HLCS: variants seen among roughly 807,000 people sequenced by gnomAD.
HLCS encodes the protein holocarboxylase synthetase, also known as biotin--protein ligase.
Under a neutral mutation model 75.0 loss-of-function variants are expected in HLCS, and 53 were observed. The ratio of observed to expected loss-of-function variants is 0.71; its 90% CI spans 0.57 to 0.89. The LOEUF (loss-of-function observed/expected upper bound fraction) is 0.89, where lower values mean the gene tolerates loss of function less well. Ranked by LOEUF, HLCS falls within the 40% of genes least tolerant of loss-of-function variation. The pLI is 0.00. For missense variants in HLCS, 966 were observed against 1,074.0 expected (o/e 0.90, Z 1.41); for synonymous variants, 431 against 428.6 (o/e 1.01, Z -0.07).
At chr21:36,881,261 C>T (rs1487373512) in intron 6 of HLCS, among the ~76,000 whole-genome samples, 2 of 152,144 alleles carry the variant, frequency 1.3e-5, no homozygotes, top group African/African-American at 4.8e-5. Context: ...TGAGCCACCA[C>T]GCCTGGCCCG....
In HLCS at chr21:36,756,608, A is replaced by T; in HGVS notation, c.2384T>A (p.Ile795Asn). 6.2e-7 allele frequency: 1 copy of T among 1,614,182 alleles called. No homozygotes were observed. The highest frequency in any genetic ancestry group is 8.5e-7 in the Non-Finnish European group (1 of 1,180,032). ...GGGCCCTTTGTCCTGAAACTCTTTG[A>T]TCAGTTTCTCCAGCACAGTCACGAC... ...ARVVTVLEKL[I>N]KEFQDKGPNS... Residue 795 changes from isoleucine (I) to asparagine (N), a missense_variant, in exon 10 of 11, where the codon ATC becomes AAC. Physicochemically the swap from Ile to Asn is moderately radical, Grantham distance 149. Coordinates refer to ENST00000674895, the MANE Select transcript of HLCS (RefSeq NM_001352514.2).
At chr21:36,755,069 C>T (rs1012794463) in intron 10 of HLCS, among the ~76,000 whole-genome samples, 1 of 152,134 alleles carries the variant, frequency 6.6e-6, no homozygotes, top group African/African-American at 2.4e-5. Context: ...CATAAACACA[C>T]ACAAGCACAC....
In HLCS at chr21:36,836,005, G is replaced by T. The variant is rs146894829; in HGVS notation, c.1892+60855C>A. Among the ~76,000 whole-genome samples the T allele has an allele frequency of 3.9e-3, 594 of 151,946 alleles. 2 individuals are homozygous for T. The highest frequency in any genetic ancestry group is 0.013 in the African/African-American group (547 of 41,436). On this transcript the variant is annotated intron_variant, in intron 6 of 10. Transcript: ENST00000674895. The stretch of plus-strand genomic sequence containing the variant: ...ACAACTAACACATCACCTTACCCAA[G>T]AATGTCATGCAAATCTGCTCATGGT...
intron 6 of HLCS, among the ~76,000 whole-genome samples, chr21:36,823,574 C>A (rs554483543): frequency 7.3e-5 from 11 of 149,916 alleles, no homozygotes; most frequent in African/African-American, 2.7e-4. Context: ...TACGAGGAGA[C>A]TAACAACAGC....
intron 8 of HLCS, among the ~76,000 whole-genome samples, chr21:36,761,465 G>A (rs887969948): frequency 1.3e-5 from 2 of 152,098 alleles, no homozygotes; most frequent in African/African-American, 4.8e-5. Context: ...AGCATGGGGG[G>A]TGCGCAATGA....
chr21:36,851,475 A>C (rs1202908463), intron 6 of HLCS, among the ~76,000 whole-genome samples: 1 of 152,214 alleles, frequency 6.6e-6, no homozygotes, highest in East Asian at 1.9e-4. Flanking sequence ...GGAGCTAAAA[A>C]TTAAAACACT....
At chr21:36,982,203 C>T (rs956706664) in intron 1 of HLCS, among the ~76,000 whole-genome samples, 1 of 152,160 alleles carries the variant, frequency 6.6e-6, no homozygotes, top group Non-Finnish European at 1.5e-5. Flanking sequence ...TCACTGCTAT[C>T]TAATATTCTA....
chr21:36,814,120 C>A (rs1219247726), intron 6 of HLCS, among the ~76,000 whole-genome samples: 1 of 152,194 alleles, frequency 6.6e-6, no homozygotes, highest in Non-Finnish European at 1.5e-5. Context: ...TTGATGGTCA[C>A]TGTCCTCACC....
At position 36,765,163 on chromosome 21, in the gene HLCS, C is replaced by G. The variant is rs139216349; in HGVS notation, c.1970G>C (p.Gly657Ala). 1.5e-5 allele frequency: 25 copies of G among 1,614,072 alleles called. No individual in the cohort carries two copies. Among genetic ancestry groups the G allele is most frequent in the Non-Finnish European group, 2.0e-5 (24 of 1,180,024 alleles). ...TCCCACAGGGCTCAGCCACACATTC[C>G]CTCCCCGTCCTGGAACACAGGCCAC... Reference protein sequence around the residue: ...ARQTEGKGRGGNVWLSPVGCA... With the variant: ...ARQTEGKGRGANVWLSPVGCA... The change falls in exon 8 of 11, where the codon GGG (glycine) becomes GCG (alanine). Residue 657 changes from glycine (G) to alanine (A), a missense_variant. Gly to Ala is a moderately conservative substitution (Grantham distance 60). Coordinates refer to ENST00000674895, the MANE Select transcript of HLCS (RefSeq NM_001352514.2).
At chr21:36,819,333 G>A (rs753991835) in intron 6 of HLCS, among the ~76,000 whole-genome samples, 2 of 152,210 alleles carry the variant, frequency 1.3e-5, no homozygotes, top group African/African-American at 2.4e-5. Context: ...AGAGGAGCAC[G>A]AGGGATGTAT....
chr21:36,855,622 C>T (rs1037338167), intron 6 of HLCS, among the ~76,000 whole-genome samples: 1 of 151,624 alleles, frequency 6.6e-6, no homozygotes, highest in Admixed American at 6.6e-5. Context: ...GCTCTATTGT[C>T]CAGGCTGGAA....
rs575514150 is a variant in HLCS, at chr21:36,785,550, C to T, written c.1893-18265G>A. On this transcript the variant is annotated intron_variant, in intron 6 of 10. Coordinates refer to ENST00000674895, the MANE Select transcript of HLCS (RefSeq NM_001352514.2). The stretch of plus-strand genomic sequence containing the variant: ...AGACATTTTATATCCTGTTCTCTTA[C>T]TGAATCCTTGTACTGTTTGTTTAGT... Among the ~76,000 whole-genome samples, 3 of 152,340 alleles carry T rather than the reference C, an allele frequency of 2.0e-5. No homozygotes were observed. The South Asian group carries it at 6.2e-4, about 32-fold the overall frequency.
chr21:36,818,002 C>T (rs778969228), intron 6 of HLCS, among the ~76,000 whole-genome samples: 6 of 152,198 alleles, frequency 3.9e-5, no homozygotes, highest in Non-Finnish European at 5.9e-5. Context: ...TGAGGCTGCA[C>T]TGCTCTGACC....
At chr21:36,960,433 G>A (rs1009811089) in intron 2 of HLCS, among the ~76,000 whole-genome samples, 8 of 152,082 alleles carry the variant, frequency 5.3e-5, no homozygotes, top group Admixed American at 3.9e-4. Flanking sequence ...GTGTCTACAG[G>A]GCTAAACGAA....
At chr21:36,939,187 C>G (rs1164348329) in intron 2 of HLCS, among the ~76,000 whole-genome samples, 193 bp from the exon 3 acceptor site, 1 of 152,198 alleles carries the variant, frequency 6.6e-6, no homozygotes, top group Non-Finnish European at 1.5e-5. Flanking sequence ...CTCTACCTGA[C>G]AACAGTGCTT....
chr21:36,771,593 T>C (rs542460486), intron 6 of HLCS, among the ~76,000 whole-genome samples: 12 of 152,298 alleles, frequency 7.9e-5, no homozygotes, highest in Non-Finnish European at 1.3e-4. Context: ...TGAAAGCCCA[T>C]CATGTGGTCA....
chr21:36,756,651 C>A lies in HLCS; in HGVS notation c.2341G>T (p.Asp781Tyr). The change falls in exon 10 of 11, where the codon GAT becomes TAT. Residue 781 changes from aspartate to tyrosine, a missense_variant. Asp to Tyr is a radical substitution (Grantham distance 160). Transcript: ENST00000674895. The part of the protein sequence containing the change: ...HKAELKPLRA[D>Y]YLIARVVTVL... ...GTCACGACTCTGGCGATGAGATAAT[C>A]GGCTCTTAAGGGCTTCAGTTCTGCC... 5.6e-6 allele frequency: 9 copies of A among 1,614,046 alleles called. No homozygotes were observed. The highest frequency in any genetic ancestry group is 2.2e-5 in the East Asian group (1 of 44,874).
At chr21:36,802,198 T>A (rs1361579024) in intron 6 of HLCS, among the ~76,000 whole-genome samples, 1 of 152,140 alleles carries the variant, frequency 6.6e-6, no homozygotes, top group Non-Finnish European at 1.5e-5. Context: ...ACAGGCCTCT[T>A]GCAACTTGGG....
chr21:36,905,646 T>C (rs544609091), intron 5 of HLCS, among the ~76,000 whole-genome samples: 8 of 152,274 alleles, frequency 5.3e-5, no homozygotes, highest in African/African-American at 1.9e-4. Context: ...GTGAATATAT[T>C]CTTTGTCTTT....
Sources: allele counts gnomAD v4.1 joint callset (sites outside exome capture counted in the v4.1 genomes callset), GRCh38; gene constraint gnomAD v4.1.1; transcripts MANE v1.5; gene names NCBI Gene and HGNC (gene_info 2026-07-23, HGNC 2026-07-21).